BUB1: variants seen among roughly 807,000 people sequenced by gnomAD.
BUB1 encodes BUB1 mitotic checkpoint serine/threonine kinase, also known as mitotic checkpoint serine/threonine-protein kinase BUB1.
BUB1 carries 84 observed loss-of-function variants against 135.2 expected under a neutral mutation model. The ratio of observed to expected loss-of-function variants is 0.62; its 90% confidence interval spans 0.52 to 0.74. The LOEUF (loss-of-function observed/expected upper bound fraction) is 0.74. Among genes scored for constraint, BUB1 ranks in the 30% least tolerant of loss-of-function variants. The pLI, the probability that BUB1 is intolerant of heterozygous loss-of-function variation, is 0.00. For missense variants in BUB1, 1,162 were observed against 1,288.3 expected (o/e 0.90, Z 1.50); for synonymous variants, 403 against 434.4 (o/e 0.93, Z 0.90).
At chr2:110,666,125 C>G (rs186755370) in intron 9 of BUB1, 138 bp downstream of exon 9, 13 of 873,132 alleles carry the variant, frequency 1.5e-5, no homozygotes, top group Non-Finnish European at 1.8e-5. Context: ...ACGTCTATGT[C>G]AAATTATTTT....
chr2:110,643,815 AT>A (rs543112757), intron 19 of BUB1, among the ~76,000 whole-genome samples: 43 of 150,556 alleles, frequency 2.9e-4, no homozygotes, highest in African/African-American at 9.0e-4. Flanking sequence ...CACACTAGAA[AT>A]TTTTTTTTTA....
intron 9 of BUB1, among the ~76,000 whole-genome samples, chr2:110,664,156 G>C (rs1165952397): frequency 1.3e-5 from 2 of 152,048 alleles, no homozygotes; most frequent in Non-Finnish European, 2.9e-5. Context: ...GACCAGTCCA[G>C]GATAGCCTAA....
chr2:110,659,250 G>T (rs921555594), intron 11 of BUB1, among the ~76,000 whole-genome samples: 3 of 152,120 alleles, frequency 2.0e-5, no homozygotes, highest in Admixed American at 2.0e-4. Flanking sequence ...TGAGGGCTTA[G>T]CACTTAATAT....
chr2:110,643,002 G>T (rs1441237159), intron 19 of BUB1, among the ~76,000 whole-genome samples: 1 of 152,128 alleles, frequency 6.6e-6, no homozygotes, highest in Non-Finnish European at 1.5e-5. Context: ...TGTACTAGTA[G>T]ATTTTTAAAT....
At chr2:110,638,641 A>G (rs1452135361) in intron 24 of BUB1, among the ~76,000 whole-genome samples, 1 of 152,196 alleles carries the variant, frequency 6.6e-6, no homozygotes, top group African/African-American at 2.4e-5. Flanking sequence ...CAGAACATGG[A>G]GATAAGGTGT....
Position 110,666,265 on chromosome 2 carries a change from C to T in BUB1, c.955G>A (p.Glu319Lys), listed in dbSNP as rs750322843. ...GTGTCATGAGGAGCACAACATACCTCGGACCTTTCCTGGGAAGCGGGCAGA... is the reference window on the plus strand; with the variant it reads ...GTGTCATGAGGAGCACAACATACCTTGGACCTTTCCTGGGAAGCGGGCAGA... ...EDLPASQERSEVNPARMGPSV... is the reference protein window; with the variant it reads ...EDLPASQERSKVNPARMGPSV... Residue 319 changes from glutamate (E) to lysine (K), a missense_variant and splice_region_variant, in exon 9 of 25, where the codon GAG (glutamate) becomes AAG (lysine). Transcript: ENST00000302759. The T allele has an allele frequency of 1.2e-5, 17 of 1,418,722 alleles. No individual in the cohort carries two copies. The South Asian group carries it at 1.5e-4, about 13-fold the overall frequency. 87.9% of individuals were successfully genotyped at this position (1,418,722 alleles called of 1,614,324 possible). A position where few individuals can be genotyped will look rare whatever the true frequency, so the allele number is the denominator to read the frequency against.
At position 110,678,043 on chromosome 2, in the gene BUB1, G is replaced by A. The variant is rs543231107; in HGVS notation, c.-48C>T. ...GCGGCCAAACCTGAACCGCAAACTA[G>A]AAGCCGCCGCCGATTCGAATACCCC... On this transcript the variant is annotated 5_prime_UTR_variant, in exon 1 of 25. Transcript: ENST00000302759. 7.0e-6 allele frequency: 11 copies of A among 1,571,858 alleles called. No individual in the cohort carries two copies. Among genetic ancestry groups the A allele is most frequent in the South Asian group, 7.0e-5 (6 of 86,182 alleles).
rs200251349 is a variant in BUB1 at position 110,641,784 on chromosome 2, G to C, written c.2483C>G (p.Pro828Arg). 6.9e-5 allele frequency: 111 copies of C among 1,605,768 alleles called. No homozygotes were observed. The highest frequency in any genetic ancestry group is 8.5e-5 in the Non-Finnish European group (100 of 1,179,738). Residue 828 changes from proline to arginine, a missense_variant, in exon 21 of 25, where the codon CCC (proline) becomes CGC (arginine). Transcript: ENST00000302759. ...CTGGGTCCCAATGTAGAATTCCCAG[G>C]GGTTGGCAGGCTTTTGGACCTGCAA... ...FVLKVQKPAN[P>R]WEFYIGTQLM...
chr2:110,653,573 C>T (rs373611075), intron 16 of BUB1, 50 bp from the exon 17 acceptor site: 3 of 1,417,060 alleles, frequency 2.1e-6, no homozygotes, highest in African/African-American at 2.8e-5. Context: ...CACATGTGTG[C>T]ACAACACACA....
At position 110,658,490 on chromosome 2, in the gene BUB1, G is replaced by C. The variant is rs1689992277; in HGVS notation, c.1436C>G (p.Thr479Arg). Reference protein sequence around the residue: ...GFIMNMFQAPTLPDISDDKDE... With the variant: ...GFIMNMFQAPRLPDISDDKDE... ...TTTGTCATCAGAAATATCAGGAAGTGTAGGAGCCTGAAACATATTCATGAT... is the reference window on the plus strand; with the variant it reads ...TTTGTCATCAGAAATATCAGGAAGTCTAGGAGCCTGAAACATATTCATGAT... The change falls in exon 13 of 25, where the codon ACA (threonine) becomes AGA (arginine). Residue 479 changes from threonine to arginine, a missense_variant. By Grantham distance (71) the Thr-to-Arg change is moderately conservative. Coordinates refer to ENST00000302759, the MANE Select transcript of BUB1 (RefSeq NM_004336.5). 6.2e-7 allele frequency: 1 copy of C among 1,613,922 alleles called. No homozygotes were observed. The highest frequency in any genetic ancestry group is 1.1e-5 in the South Asian group (1 of 91,052).
intron 9 of BUB1, among the ~76,000 whole-genome samples, chr2:110,664,593 TA>T (rs1690194780): frequency 6.8e-6 from 1 of 147,942 alleles, no homozygotes; most frequent in African/African-American, 2.6e-5. Flanking sequence ...TTTTTTTTTT[TA>T]AATAAGCTAC....
chr2:110,640,365 T>C (rs1689471560), intron 23 of BUB1, among the ~76,000 whole-genome samples: 1 of 152,028 alleles, frequency 6.6e-6, no homozygotes, highest in African/African-American at 2.4e-5. Flanking sequence ...CTTTGCCCCT[T>C]TTACCATGGG....
intron 4 of BUB1, among the ~76,000 whole-genome samples, chr2:110,672,061 T>C (rs1435297017): frequency 6.6e-6 from 1 of 152,156 alleles, no homozygotes; most frequent in Non-Finnish European, 1.5e-5. Context: ...ACCTCGTCTC[T>C]ACTAAAAATA....
intron 3 of BUB1, among the ~76,000 whole-genome samples, chr2:110,673,828 A>T (rs1402953943): frequency 6.6e-6 from 1 of 152,088 alleles, no homozygotes; most frequent in African/African-American, 2.4e-5. Flanking sequence ...CGAACTCCTG[A>T]ACTAAAGTGA....
rs1689833033 is a variant in BUB1, at chr2:110,653,374, T to C, written c.1964+62A>G. On this transcript the variant is annotated intron_variant, in intron 17 of 24. Transcript: ENST00000302759. ...CTAAAAGGCAAAGCTAGAATGAAAA[T>C]GGTAAACAATGTTAGAATGAAAATG... 4 of 1,527,988 alleles carry C rather than the reference T, an allele frequency of 2.6e-6. No individual in the cohort carries two copies. The African/African-American group carries it at 4.1e-5, about 16-fold the overall frequency. The allele number at this position is 1,527,988 out of a possible 1,614,324, so 94.7% of individuals were successfully genotyped here.
Position 110,677,999 on chromosome 2 carries a change from C to T in BUB1, c.-4G>A. ...GGACATTTTCCGGGGTGTCCATGGCCAGAGGACGCTGGCCGGCAGCGGCCA... is the reference window on the plus strand; with the variant it reads ...GGACATTTTCCGGGGTGTCCATGGCTAGAGGACGCTGGCCGGCAGCGGCCA... On this transcript the variant is annotated 5_prime_UTR_variant, in exon 1 of 25. Transcript: ENST00000302759. 3 of 1,607,068 alleles carry T rather than the reference C, an allele frequency of 1.9e-6. No individual in the cohort carries two copies. Among genetic ancestry groups the T allele is most frequent in the South Asian group, 2.2e-5 (2 of 89,880 alleles).
chr2:110,655,674 T>C (rs1689911257), intron 16 of BUB1, 65 bp downstream of exon 16: 1 of 1,378,206 alleles, frequency 7.3e-7, no homozygotes, highest in Non-Finnish European at 9.8e-7. Flanking sequence ...GAATCAAACT[T>C]CATGAAGAAA....
intron 19 of BUB1, 45 bp downstream of exon 19, chr2:110,649,189 T>C: frequency 5.1e-6 from 8 of 1,559,392 alleles, no homozygotes; most frequent in Non-Finnish European, 7.0e-6. Flanking sequence ...CAACTTCTCA[T>C]AGAGAAACAA....
chr2:110,650,904 T>A, intron 17 of BUB1, 120 bp from the exon 18 acceptor site: 1 of 912,056 alleles, frequency 1.1e-6, no homozygotes, highest in Non-Finnish European at 1.7e-6. Flanking sequence ...CCTCACAGAC[T>A]AAAAGTTGAT....
Sources: allele counts gnomAD v4.1 joint callset (sites outside exome capture counted in the v4.1 genomes callset), GRCh38; gene constraint gnomAD v4.1.1; transcripts MANE v1.5; gene names NCBI Gene and HGNC (gene_info 2026-07-23, HGNC 2026-07-21).